WWP1: variants seen among roughly 807,000 people sequenced by gnomAD.
The protein encoded by WWP1 is WW domain containing E3 ubiquitin protein ligase 1.
A neutral mutation model predicts 130.6 loss-of-function variants in WWP1; 49 were observed. The observed-to-expected ratio is 0.38, with a 90% confidence interval of 0.30 to 0.48. The LOEUF (loss-of-function observed/expected upper bound fraction) is 0.48, where lower values mean the gene tolerates loss of function less well. WWP1 is among the 20% of genes least tolerant of loss of function. The pLI is 0.99. For synonymous variants in WWP1, 332 were observed against 367.8 expected, an observed-to-expected ratio of 0.90 and a Z score of 1.11; for missense variants, 809 against 1,100.6, an observed-to-expected ratio of 0.74 and a Z score of 3.75.
rs114316750 is a variant in WWP1 at position 86,448,323 on chromosome 8, C to G, written c.2132+42C>G. ...TTGCAATAAGTCATTTTTTTGAAAC[C>G]CATTTTGTTTCATTTTGTTAATTAG... On this transcript the variant is annotated intron_variant, in intron 19 of 24. Transcript: ENST00000517970. The G allele has an allele frequency of 2.4e-3, 3,780 of 1,579,994 alleles. 83 individuals carry two copies. The African/African-American group carries it at 0.046, about 19-fold the overall frequency.
chr8:86,445,810 A>T (rs908311110), intron 18 of WWP1, among the ~76,000 whole-genome samples: 33 of 151,998 alleles, frequency 2.2e-4, no homozygotes, highest in African/African-American at 8.0e-4. Context: ...AGCCTTGCCA[A>T]CATCTGTTAT....
chr8:86,397,872 C>T (rs1807764754), intron 5 of WWP1, among the ~76,000 whole-genome samples: 1 of 152,124 alleles, frequency 6.6e-6, no homozygotes, highest in African/African-American at 2.4e-5. Flanking sequence ...TGCATTTGGT[C>T]CTCAACACTG....
At chr8:86,425,494 C>G (rs535743318) in intron 10 of WWP1, among the ~76,000 whole-genome samples, 176 bp downstream of exon 10, 1 of 152,164 alleles carries the variant, frequency 6.6e-6, no homozygotes, top group East Asian at 1.9e-4. Context: ...GTAGGGCTTC[C>G]TCAAGAGACT....
At chr8:86,363,923 A>C (rs1823816848) in intron 1 of WWP1, among the ~76,000 whole-genome samples, 1 of 152,170 alleles carries the variant, frequency 6.6e-6, no homozygotes, top group South Asian at 2.1e-4. Context: ...TACGTGAAAC[A>C]CATTTTCCTT....
intron 1 of WWP1, 161 bp downstream of exon 1, chr8:86,343,091 C>T (rs896469081): frequency 2.6e-5 from 7 of 273,542 alleles, no homozygotes; most frequent in Non-Finnish European, 4.8e-5. Flanking sequence ...CCTTGGCTAC[C>T]TTCTCCAGCC....
chr8:86,348,323 A>G (rs7839096), intron 1 of WWP1, among the ~76,000 whole-genome samples: 22,349 of 151,834 alleles, frequency 0.15, 1,789 homozygotes, highest in Non-Finnish European at 0.19. Flanking sequence ...GGTTCAAGAG[A>G]TTCTCCTGCC....
Position 86,456,473 on chromosome 8 carries a change from A to C in WWP1, c.2395-1448A>C, listed in dbSNP as rs558082105. Among the ~76,000 whole-genome samples, 8 of 152,100 alleles carry C rather than the reference A, an allele frequency of 5.3e-5. No homozygotes were observed. In the South Asian group the frequency reaches 6.2e-4, roughly 12 times the overall value. ...ATAGGATATACACAGATGGCAAGTA[A>C]ATACTTGAAAAATGCTTATTAGTAA... is the stretch of plus-strand genomic sequence containing the variant. On this transcript the variant is annotated intron_variant, in intron 21 of 24. Coordinates refer to ENST00000517970, the MANE Select transcript of WWP1 (RefSeq NM_007013.4).
At chr8:86,399,080 C>A (rs1314282372) in intron 7 of WWP1, among the ~76,000 whole-genome samples, 1 of 152,086 alleles carries the variant, frequency 6.6e-6, no homozygotes, top group Non-Finnish European at 1.5e-5. Context: ...TGACTGACTT[C>A]TTTTTCTTAG....
At position 86,455,960 on chromosome 8, in the gene WWP1, T is replaced by C. The variant is rs548638483; in HGVS notation, c.2395-1961T>C. On this transcript the variant is annotated intron_variant, in intron 21 of 24. Coordinates refer to ENST00000517970, the MANE Select transcript of WWP1 (RefSeq NM_007013.4). ...GAATGTCCAGAAGTAGATCCACACC[T>C]ACATTGTCAATTGATTTTCAACAAA... Among the ~76,000 whole-genome samples the C allele has an allele frequency of 3.9e-5, 6 of 152,092 alleles. No homozygotes were observed. The East Asian group carries it at 1.2e-3, about 29-fold the overall frequency.
chr8:86,342,621 C>T lies in WWP1; in HGVS notation c.-424C>T, dbSNP rs1232529019. On this transcript the variant is annotated 5_prime_UTR_variant, in exon 1 of 25. Coordinates refer to ENST00000517970, the MANE Select transcript of WWP1 (RefSeq NM_007013.4). ...GTGCCGGGGCCGGCGGGGAGGCGCG[C>T]GCTTAGGGCGCGGCGCCGGCGACGC... is the stretch of plus-strand genomic sequence containing the variant. The T allele has an allele frequency of 5.0e-6, 1 of 201,740 alleles. No individual in the cohort carries two copies. The highest frequency in any genetic ancestry group is 2.4e-5 in the African/African-American group (1 of 41,762). The allele number at this position is 201,740 out of a possible 1,614,324, so 12.5% of individuals were successfully genotyped here.
At chr8:86,415,917 G>A (rs1309267924) in intron 9 of WWP1, among the ~76,000 whole-genome samples, 4 of 152,084 alleles carry the variant, frequency 2.6e-5, no homozygotes, top group Non-Finnish European at 5.9e-5. Flanking sequence ...TATGCCTACC[G>A]TATAGCAGGC....
intron 2 of WWP1, 131 bp downstream of exon 2, chr8:86,369,162 C>T (rs1824144006): frequency 6.6e-6 from 1 of 152,126 alleles, no homozygotes; most frequent in African/African-American, 2.4e-5. Context: ...TCTAATACTC[C>T]TGAGGCTCAG....
At chr8:86,365,212 A>C (rs1249383777) in intron 1 of WWP1, among the ~76,000 whole-genome samples, 2 of 152,228 alleles carry the variant, frequency 1.3e-5, no homozygotes, top group Non-Finnish European at 2.9e-5. Flanking sequence ...TTGGGTATTC[A>C]TACTAACTTA....
In WWP1 at chr8:86,466,998, C is replaced by T. The variant is rs1171329445; in HGVS notation, c.*105C>T. 15 of 761,304 alleles carry T rather than the reference C, an allele frequency of 2.0e-5. No individual in the cohort carries two copies. Among genetic ancestry groups the T allele is most frequent in the African/African-American group, 7.4e-5 (4 of 54,236 alleles). 47.2% of individuals were successfully genotyped at this position (761,304 alleles called of 1,614,324 possible). ...TGTTCATTCTGTACAGTGAATTTTC[C>T]GAACCTCTCAAAGTATGTTTTCCGT... On this transcript the variant is annotated 3_prime_UTR_variant, in exon 25 of 25. Coordinates refer to ENST00000517970, the MANE Select transcript of WWP1 (RefSeq NM_007013.4).
chr8:86,356,162 C>T (rs915099739), intron 1 of WWP1, among the ~76,000 whole-genome samples: 2 of 67,402 alleles, frequency 3.0e-5, no homozygotes, highest in South Asian at 3.4e-4. Context: ...GTTCAGGTTC[C>T]GTGTTTTAAG....
chr8:86,444,440 T>C lies in WWP1; in HGVS notation c.1998+1662T>C, dbSNP rs188610858. On this transcript the variant is annotated intron_variant, in intron 18 of 24. Coordinates refer to ENST00000517970, the MANE Select transcript of WWP1 (RefSeq NM_007013.4). ...TAGGCATTTGGGAATTCTTGGCACA[T>C]AGAGAGTATTAAAAGGCAATATGAT... is the stretch of plus-strand genomic sequence containing the variant. Among the ~76,000 whole-genome samples, 14 of 152,242 alleles carry C rather than the reference T, an allele frequency of 9.2e-5. No homozygotes were observed. In the East Asian group the frequency reaches 2.5e-3, roughly 27 times the overall value.
chr8:86,363,938 G>A (rs185288046), intron 1 of WWP1, among the ~76,000 whole-genome samples: 1 of 152,240 alleles, frequency 6.6e-6, no homozygotes, highest in Admixed American at 6.5e-5. Context: ...TTCCTTGAAA[G>A]GGTGGTTAGT....
intron 17 of WWP1, among the ~76,000 whole-genome samples, chr8:86,439,042 G>C (rs1299965059): frequency 6.6e-6 from 1 of 151,888 alleles, no homozygotes; most frequent in Non-Finnish European, 1.5e-5. Context: ...TTTTCTTCTT[G>C]TTTTTTAAAA....
At chr8:86,372,169 G>A (rs1041310619) in intron 2 of WWP1, among the ~76,000 whole-genome samples, 129 of 151,300 alleles carry the variant, frequency 8.5e-4, no homozygotes, top group Middle Eastern at 3.4e-3. Flanking sequence ...GACTACAGGC[G>A]CGCGCCACCA....
Sources: gnomAD v4.1 joint callset for allele counts (sites outside exome capture counted in the v4.1 genomes callset) on GRCh38, gnomAD v4.1.1 for gene constraint, MANE v1.5 for transcripts, NCBI Gene and HGNC (gene_info 2026-07-23, HGNC 2026-07-21) for gene names.